The following JAZF1 variants were observed in gnomAD, a reference collection of about 807,000 sequenced individuals.
JAZF1 encodes juxtaposed with another zinc finger protein 1.
JAZF1 carries 8 observed loss-of-function variants against 26.4 expected under a neutral mutation model. That is an observed-to-expected ratio of 0.30 (90% CI 0.18 to 0.55). JAZF1 has a LOEUF of 0.55. JAZF1 is among the 20% of genes least tolerant of loss of function. The pLI, the probability that JAZF1 is intolerant of heterozygous loss-of-function variation, is 0.94. For synonymous variants in JAZF1, 126 were observed against 122.3 expected, an observed-to-expected ratio of 1.03 and a Z score of -0.20; for missense variants, 199 against 322.0, an observed-to-expected ratio of 0.62 and a Z score of 2.92.
chr7:27,857,771 C>T (rs1783297999), intron 3 of JAZF1, among the ~76,000 whole-genome samples: 1 of 152,136 alleles, frequency 6.6e-6, no homozygotes, highest in South Asian at 2.1e-4. Flanking sequence ...TTATGACAAA[C>T]CCACAGCCAA....
At chr7:27,901,762 T>C (rs1203977390) in intron 2 of JAZF1, among the ~76,000 whole-genome samples, 2 of 152,200 alleles carry the variant, frequency 1.3e-5, no homozygotes, top group African/African-American at 4.8e-5. Flanking sequence ...CGGGAGTCAC[T>C]GTATTCACTT....
chr7:28,047,865 T>C (rs567576514), intron 1 of JAZF1, among the ~76,000 whole-genome samples: 25 of 152,316 alleles, frequency 1.6e-4, no homozygotes, highest in East Asian at 5.8e-4. Context: ...TTTACACTTA[T>C]ATTGATAAAT....
chr7:27,940,354 C>T (rs1336406866), intron 2 of JAZF1, among the ~76,000 whole-genome samples: 2 of 152,184 alleles, frequency 1.3e-5, no homozygotes, highest in East Asian at 3.9e-4. Context: ...CTCCTCCTGA[C>T]TCTAGCTCCT....
intron 1 of JAZF1, among the ~76,000 whole-genome samples, chr7:28,156,516 G>A (rs1036451843): frequency 1.3e-5 from 2 of 152,238 alleles, no homozygotes; most frequent in Non-Finnish European, 2.9e-5. Context: ...AGCACAAAAT[G>A]TTCATTCAGT....
At chr7:27,875,041 T>C (rs1026945562) in intron 3 of JAZF1, among the ~76,000 whole-genome samples, 8 of 152,190 alleles carry the variant, frequency 5.3e-5, no homozygotes, top group Admixed American at 2.6e-4. Flanking sequence ...TTGGGAACTA[T>C]TGAAATACCA....
intron 1 of JAZF1, among the ~76,000 whole-genome samples, chr7:28,105,390 G>A (rs1036551200): frequency 6.6e-6 from 1 of 152,190 alleles, no homozygotes; most frequent in African/African-American, 2.4e-5. Context: ...GTGACTCCTG[G>A]TGAGGAAGGT....
At chr7:28,157,937 G>T (rs1044590647) in intron 1 of JAZF1, among the ~76,000 whole-genome samples, 1 of 151,864 alleles carries the variant, frequency 6.6e-6, no homozygotes, top group Admixed American at 6.6e-5. Context: ...CTCCTCCTAA[G>T]TTTCTCAAGT....
chr7:28,042,020 A>G (rs1310600602), intron 1 of JAZF1, among the ~76,000 whole-genome samples: 1 of 152,234 alleles, frequency 6.6e-6, no homozygotes, highest in Non-Finnish European at 1.5e-5. Flanking sequence ...CAAGGAAAAT[A>G]AAGCCCTGGG....
At chr7:28,141,804 A>G (rs1173215264) in intron 1 of JAZF1, among the ~76,000 whole-genome samples, 1 of 152,210 alleles carries the variant, frequency 6.6e-6, no homozygotes, top group Non-Finnish European at 1.5e-5. Context: ...AATTTCTAGT[A>G]TCTTCATCAG....
At chr7:28,130,766 G>T (rs1368778790) in intron 1 of JAZF1, among the ~76,000 whole-genome samples, 1 of 152,100 alleles carries the variant, frequency 6.6e-6, no homozygotes, top group African/African-American at 2.4e-5. Flanking sequence ...TCTCTCTCTC[G>T]AAAGGGTGCT....
intron 1 of JAZF1, among the ~76,000 whole-genome samples, chr7:28,058,317 G>A (rs899356228): frequency 2.6e-5 from 4 of 152,182 alleles, no homozygotes; most frequent in South Asian, 2.1e-4. Context: ...CAAAGAACCT[G>A]GGGTGGCCAG....
intron 3 of JAZF1, among the ~76,000 whole-genome samples, chr7:27,849,069 G>A (rs534536868): frequency 2.1e-4 from 32 of 152,270 alleles, no homozygotes; most frequent in South Asian, 1.9e-3. Context: ...GCTAGCAACA[G>A]GCCCATCAGG....
chr7:27,834,912 GT>G (rs1425376495), intron 4 of JAZF1, among the ~76,000 whole-genome samples: 5 of 152,214 alleles, frequency 3.3e-5, no homozygotes, highest in Non-Finnish European at 7.3e-5. Flanking sequence ...GTGAATGTTA[GT>G]TTTATGACCA....
At chr7:28,034,619 C>T (rs1783253332) in intron 1 of JAZF1, among the ~76,000 whole-genome samples, 1 of 152,154 alleles carries the variant, frequency 6.6e-6, no homozygotes, top group Admixed American at 6.5e-5. Context: ...ACAGCTCTGT[C>T]TTTAACTCAC....
chr7:28,114,031 G>A (rs188763691), intron 1 of JAZF1, among the ~76,000 whole-genome samples: 4 of 152,264 alleles, frequency 2.6e-5, no homozygotes, highest in African/African-American at 2.4e-5. Flanking sequence ...CACATAGTTT[G>A]GGTATTGTTT....
At chr7:28,035,178 G>A (rs950556942) in intron 1 of JAZF1, among the ~76,000 whole-genome samples, 1 of 151,446 alleles carries the variant, frequency 6.6e-6, no homozygotes, top group Admixed American at 6.6e-5. Flanking sequence ...TTAGCCTGCC[G>A]TGGTGGTGGG....
At chr7:27,962,870 T>C (rs1332917550) in intron 2 of JAZF1, among the ~76,000 whole-genome samples, 3 of 152,236 alleles carry the variant, frequency 2.0e-5, no homozygotes, top group Non-Finnish European at 2.9e-5. Context: ...GGAATAATCC[T>C]ACATATGCCT....
At chr7:28,092,767 G>A (rs999693886) in intron 1 of JAZF1, among the ~76,000 whole-genome samples, 9 of 151,950 alleles carry the variant, frequency 5.9e-5, no homozygotes, top group African/African-American at 2.2e-4. Flanking sequence ...GGCTGAGGTG[G>A]GAGGATCACC....
intron 4 of JAZF1, among the ~76,000 whole-genome samples, chr7:27,835,217 CAAA>C (rs764678505): frequency 2.6e-5 from 4 of 152,078 alleles, no homozygotes; most frequent in Non-Finnish European, 5.9e-5. Flanking sequence ...AACCAAGAAA[CAAA>C]AAGGCACAGC....
Sources: allele counts gnomAD v4.1 joint callset (sites outside exome capture counted in the v4.1 genomes callset), GRCh38; gene constraint gnomAD v4.1.1; transcripts MANE v1.5; gene names NCBI Gene and HGNC (gene_info 2026-07-23, HGNC 2026-07-21).